Variants in CHRM3 observed in about 807,000 individuals in gnomAD.
CHRM3 encodes the protein cholinergic receptor muscarinic 3.
A neutral mutation model predicts 41.8 loss-of-function variants in CHRM3; 11 were observed. The ratio of observed to expected loss-of-function variants is 0.26; its 90% confidence interval spans 0.17 to 0.44. The LOEUF (loss-of-function observed/expected upper bound fraction) is 0.44, where lower values mean the gene tolerates loss of function less well. Among genes scored for constraint, CHRM3 ranks in the 20% least tolerant of loss-of-function variants. CHRM3 has a pLI of 1.00. For missense variants in CHRM3, 571 were observed against 745.4 expected (o/e 0.77, Z 2.72); for synonymous variants, 297 against 301.4 (o/e 0.99, Z 0.15).
At chr1:239,531,389 C>A (rs962554756) in intron 2 of CHRM3, among the ~76,000 whole-genome samples, 1 of 151,830 alleles carries the variant, frequency 6.6e-6, no homozygotes, top group East Asian at 1.9e-4. Context: ...TATGCAAGAC[C>A]CTGAGAATAT....
chr1:239,403,683 G>T (rs886248179), intron 1 of CHRM3, among the ~76,000 whole-genome samples: 1 of 151,974 alleles, frequency 6.6e-6, no homozygotes, highest in Non-Finnish European at 1.5e-5. Context: ...CAAGTAGCAA[G>T]CTCTCTTGAA....
intron 5 of CHRM3, among the ~76,000 whole-genome samples, chr1:239,826,017 A>G (rs955837224): frequency 6.6e-6 from 1 of 152,234 alleles, no homozygotes; most frequent in East Asian, 1.9e-4. Flanking sequence ...GGGGACTCCA[A>G]CAATAGAATG....
chr1:239,623,069 T>C (rs1473128082), intron 3 of CHRM3, among the ~76,000 whole-genome samples: 2 of 152,082 alleles, frequency 1.3e-5, no homozygotes, highest in Non-Finnish European at 2.9e-5. Flanking sequence ...AAAAAAATTA[T>C]AACTCTATAA....
At chr1:239,692,345 T>G (rs1224813555) in intron 5 of CHRM3, among the ~76,000 whole-genome samples, 1 of 152,170 alleles carries the variant, frequency 6.6e-6, no homozygotes, top group African/African-American at 2.4e-5. Context: ...CAGAGAGATT[T>G]CTGTATCAAC....
rs777178131 is a variant in CHRM3, at chr1:239,908,008, G to T, written c.557G>T (p.Gly186Val). 1.9e-6 allele frequency: 3 copies of T among 1,614,176 alleles called. No homozygotes were observed. In the South Asian group the frequency reaches 3.3e-5, roughly 18 times the overall value. ...GCCAAACGAACAACAAAGAGAGCCG[G>T]TGTGATGATCGGTCTGGCTTGGGTC... ...YRAKRTTKRA[G>V]VMIGLAWVIS... Residue 186 changes from glycine (G) to valine (V), a missense_variant, in exon 7 of 7, where the codon GGT becomes GTT. Gly to Val is a moderately radical substitution (Grantham distance 109). This residue lies in a region of CHRM3 where 153 missense variants were observed against 296.3 expected (regional missense o/e 0.52). Transcript: ENST00000676153. This position sits in a 1 kb window ranked among gnomAD's most constrained non-coding sequence, Gnocchi z 7.2.
intron 6 of CHRM3, among the ~76,000 whole-genome samples, chr1:239,836,932 A>C (rs898961026): frequency 6.6e-6 from 1 of 151,060 alleles, no homozygotes; most frequent in African/African-American, 2.4e-5. Flanking sequence ...CCGAGATAGC[A>C]CCACTGCACT....
intron 5 of CHRM3, among the ~76,000 whole-genome samples, chr1:239,679,279 A>G (rs372591100): frequency 6.6e-6 from 1 of 152,156 alleles, no homozygotes; most frequent in East Asian, 1.9e-4. Context: ...AAACTACATA[A>G]CAACTCACCT....
intron 6 of CHRM3, among the ~76,000 whole-genome samples, chr1:239,857,554 T>A (rs544698849): frequency 1.3e-5 from 2 of 152,154 alleles, no homozygotes; most frequent in East Asian, 1.9e-4. Flanking sequence ...CTTTTTAAAG[T>A]TTATCTTATA....
chr1:239,494,080 G>T (rs1001087723), intron 2 of CHRM3, among the ~76,000 whole-genome samples: 3 of 152,154 alleles, frequency 2.0e-5, no homozygotes, highest in African/African-American at 7.2e-5. Flanking sequence ...TTAATTACAT[G>T]TAAATTCAAA....
At chr1:239,661,058 C>T (rs1463760701) in intron 4 of CHRM3, among the ~76,000 whole-genome samples, 1 of 152,116 alleles carries the variant, frequency 6.6e-6, no homozygotes, top group Admixed American at 6.6e-5. Context: ...ATAACATGCC[C>T]AGGTCTCCTG....
At chr1:239,868,805 C>T (rs182306839) in intron 6 of CHRM3, among the ~76,000 whole-genome samples, 6 of 152,306 alleles carry the variant, frequency 3.9e-5, no homozygotes, top group South Asian at 2.1e-4. Context: ...AGAATGAGAA[C>T]GGAGCCTTGG....
At chr1:239,677,098 A>AC (rs1271542964) in intron 4 of CHRM3, among the ~76,000 whole-genome samples, 1 of 151,732 alleles carries the variant, frequency 6.6e-6, no homozygotes, top group Non-Finnish European at 1.5e-5. Context: ...CAGGTTAAAG[A>AC]CCCCCTGCTC....
intron 1 of CHRM3, among the ~76,000 whole-genome samples, chr1:239,465,337 T>A (rs915731232): frequency 6.6e-6 from 1 of 152,176 alleles, no homozygotes; most frequent in Non-Finnish European, 1.5e-5. Flanking sequence ...ATATTTATAA[T>A]CTGTTAAGTT....
At chr1:239,647,871 C>G (rs576135878) in intron 4 of CHRM3, among the ~76,000 whole-genome samples, 2 of 152,206 alleles carry the variant, frequency 1.3e-5, no homozygotes, top group South Asian at 4.1e-4. Flanking sequence ...CTCAAAATTG[C>G]TTGGCTTCTA....
intron 1 of CHRM3, among the ~76,000 whole-genome samples, chr1:239,440,872 A>G (rs1663665217): frequency 1.3e-5 from 2 of 152,130 alleles, no homozygotes; most frequent in African/African-American, 4.8e-5. Context: ...ATTAGCCTAA[A>G]TGTCTCCATA....
intron 1 of CHRM3, among the ~76,000 whole-genome samples, chr1:239,448,243 A>G (rs1158604250): frequency 6.6e-6 from 1 of 152,228 alleles, no homozygotes; most frequent in Non-Finnish European, 1.5e-5. Flanking sequence ...TGCTGAATAA[A>G]TGTTTCTTTT....
intron 1 of CHRM3, among the ~76,000 whole-genome samples, chr1:239,485,091 G>A (rs1667101385): frequency 6.6e-6 from 1 of 151,994 alleles, no homozygotes; most frequent in Non-Finnish European, 1.5e-5. Context: ...ACTTGATGAG[G>A]GAACAGAAAC....
intron 2 of CHRM3, among the ~76,000 whole-genome samples, chr1:239,502,544 A>G (rs995815869): frequency 3.9e-5 from 6 of 152,198 alleles, no homozygotes; most frequent in African/African-American, 1.4e-4. Context: ...ATACTATTCC[A>G]CAAGGCAGAG....
intron 1 of CHRM3, among the ~76,000 whole-genome samples, chr1:239,404,089 C>T (rs552772241): frequency 6.8e-6 from 1 of 147,858 alleles, no homozygotes; most frequent in Non-Finnish European, 1.5e-5. Context: ...GAGATCGAGA[C>T]CATCCTGGCT....
Sources: allele counts gnomAD v4.1 joint callset (sites outside exome capture counted in the v4.1 genomes callset), GRCh38; gene constraint gnomAD v4.1.1; regional missense constraint gnomAD v4.1.1; non-coding constraint Gnocchi (gnomAD v3.1); transcripts MANE v1.5; gene names NCBI Gene and HGNC (gene_info 2026-07-23, HGNC 2026-07-21).